HYDIN: variants seen among roughly 807,000 people sequenced by gnomAD.
HYDIN encodes the protein axonemal central pair apparatus protein HYDIN.
HYDIN carries 132 observed loss-of-function variants against 403.9 expected under a neutral mutation model. That is an observed-to-expected ratio of 0.33 (90% CI 0.28 to 0.38). The LOEUF is 0.38. Among genes scored for constraint, HYDIN ranks in the 10% least tolerant of loss-of-function variants. HYDIN has a pLI of 1.00. For synonymous variants in HYDIN, 1,202 were observed against 1,891.7 expected, an observed-to-expected ratio of 0.64 and a Z score of 9.46; for missense variants, 2,827 against 5,009.5, an observed-to-expected ratio of 0.56 and a Z score of 13.15.
chr16:71,225,315 G>T (rs149573320), intron 1 of HYDIN, among the ~76,000 whole-genome samples: 3 of 152,278 alleles, frequency 2.0e-5, no homozygotes, highest in African/African-American at 7.2e-5. Context: ...CTAGGTTGCT[G>T]CCCACAACAC....
At chr16:71,004,142 C>T (rs1482135616) in intron 23 of HYDIN, among the ~76,000 whole-genome samples, 1 of 151,648 alleles carries the variant, frequency 6.6e-6, no homozygotes, top group Non-Finnish European at 1.5e-5. Flanking sequence ...TGGAGAAATC[C>T]CATCTCTACT....
chr16:71,046,497 T>G (rs1317692838), intron 18 of HYDIN, among the ~76,000 whole-genome samples: 4 of 151,690 alleles, frequency 2.6e-5, no homozygotes, highest in Non-Finnish European at 5.9e-5. Context: ...AGAGGGAGAT[T>G]TTTTCCTTCC....
At chr16:71,175,903 T>C (rs1420151887) in intron 4 of HYDIN, 162 bp from the exon 5 acceptor site, 1 of 720,152 alleles carries the variant, frequency 1.4e-6, no homozygotes, top group Non-Finnish European at 2.5e-6. Flanking sequence ...CTTTATCCCA[T>C]ACAAAGTAAG....
intron 18 of HYDIN, among the ~76,000 whole-genome samples, chr16:71,053,822 G>C (rs2081755638): frequency 6.6e-6 from 1 of 152,086 alleles, no homozygotes; most frequent in South Asian, 2.1e-4. Flanking sequence ...ATAAATGTGG[G>C]GAAAGATTAA....
At position 70,886,192 on chromosome 16, in the gene HYDIN, C is replaced by G. The variant is rs2041122400; in HGVS notation, c.9775-2068G>C. 3.3e-5 allele frequency among the ~76,000 whole-genome samples: 5 copies of G among 152,058 alleles called. No individual in the cohort carries two copies. In the South Asian group the frequency reaches 1.0e-3, roughly 32 times the overall value. On this transcript the variant is annotated intron_variant, in intron 58 of 85. Coordinates refer to ENST00000393567, the MANE Select transcript of HYDIN (RefSeq NM_001270974.2). ...AATGACTCTTCACAGCTACCCGGAA[C>G]AGCAAGACTTCGTTCTTCAATTTTT...
At chr16:71,179,932 C>T (rs2086832563) in intron 3 of HYDIN, among the ~76,000 whole-genome samples, 2 of 152,122 alleles carry the variant, frequency 1.3e-5, no homozygotes, top group African/African-American at 4.8e-5. Context: ...GGCACCTTGG[C>T]ACACAGTTTG....
chr16:70,895,094 A>C (rs2076165211), intron 54 of HYDIN, among the ~76,000 whole-genome samples: 1 of 147,994 alleles, frequency 6.8e-6, no homozygotes, highest in South Asian at 2.2e-4. Flanking sequence ...TGTACATGAG[A>C]CTCATGACAT....
In HYDIN at chr16:71,085,582, T is replaced by A. The variant is rs187868065; in HGVS notation, c.1670+2719A>T. Among the ~76,000 whole-genome samples the A allele has an allele frequency of 2.5e-4, 38 of 152,314 alleles. 1 individual carries two copies. The highest frequency in any genetic ancestry group is 8.7e-4 in the African/African-American group (36 of 41,590). On this transcript the variant is annotated intron_variant, in intron 12 of 85. Coordinates refer to ENST00000393567, the MANE Select transcript of HYDIN (RefSeq NM_001270974.2). ...TGACATCCCCTACTATTTTGCTGAA[T>A]TGTGTATTTCTCCCTTCAATTCTAT... is the stretch of plus-strand genomic sequence containing the variant.
intron 71 of HYDIN, among the ~76,000 whole-genome samples, chr16:70,858,764 A>C (rs2027509): frequency 7.9e-6 from 1 of 126,804 alleles, no homozygotes; most frequent in Admixed American, 8.0e-5. Flanking sequence ...GCCTCTTGGA[A>C]CCGAGCTCAC....
At chr16:70,953,587 T>A (rs1240154531) in intron 40 of HYDIN, among the ~76,000 whole-genome samples, 1 of 152,068 alleles carries the variant, frequency 6.6e-6, no homozygotes, top group Non-Finnish European at 1.5e-5. Context: ...ATGTAGGTGT[T>A]CCCCATGGTC....
At chr16:71,227,223 A>C (rs2041074993) in intron 1 of HYDIN, among the ~76,000 whole-genome samples, 1 of 152,076 alleles carries the variant, frequency 6.6e-6, no homozygotes, top group Non-Finnish European at 1.5e-5. Context: ...CACCAAGTTC[A>C]CCAAACTTCT....
chr16:70,954,468 A>AAAACAAAG (rs2078167239), intron 40 of HYDIN, among the ~76,000 whole-genome samples: 1 of 149,636 alleles, frequency 6.7e-6, no homozygotes, highest in African/African-American at 2.5e-5. Flanking sequence ...AAAAAAAAAA[A>AAAACAAAG]AAAGAAAGAA....
Position 70,803,698 on chromosome 16 carries a change from T to C in HYDIN, c.*3882A>G, listed in dbSNP as rs182983892. On this transcript the variant is annotated 3_prime_UTR_variant, in exon 86 of 86. Coordinates refer to ENST00000393567, the MANE Select transcript of HYDIN (RefSeq NM_001270974.2). ...AGCAGTTTCTCCAACAGCAATGTAA[T>C]TGTAGCTGGAGTTTCAGGGCAACAG... Among the ~76,000 whole-genome samples, 13 of 152,354 alleles carry C rather than the reference T, an allele frequency of 8.5e-5. No individual in the cohort carries two copies. In the East Asian group the frequency reaches 2.5e-3, roughly 29 times the overall value.
chr16:70,815,956 A>G (rs2035809216), intron 84 of HYDIN, among the ~76,000 whole-genome samples: 1 of 146,850 alleles, frequency 6.8e-6, no homozygotes, highest in Non-Finnish European at 1.5e-5. Context: ...TAAAAATATA[A>G]AAATTAGCAG....
chr16:70,907,950 GAT>G (rs1567808909), intron 49 of HYDIN, among the ~76,000 whole-genome samples: 1 of 152,062 alleles, frequency 6.6e-6, no homozygotes, highest in Non-Finnish European at 1.5e-5. Flanking sequence ...TATACTACAG[GAT>G]AGAACTGCTT....
At chr16:71,079,974 G>C (rs1512613) in intron 12 of HYDIN, 22 bp from the exon 13 acceptor site, 6 of 789,290 alleles carry the variant, frequency 7.6e-6, no homozygotes, top group South Asian at 3.0e-5. Flanking sequence ...AATACAAGGT[G>C]GGGGAGAGGG....
At chr16:71,037,169 C>G (rs568308453) in intron 18 of HYDIN, among the ~76,000 whole-genome samples, 20 of 149,982 alleles carry the variant, frequency 1.3e-4, no homozygotes, top group Admixed American at 6.0e-4. Flanking sequence ...ACTGTACCTT[C>G]CATATAGAGC....
At chr16:70,814,916 T>TA (rs1482511801) in intron 84 of HYDIN, among the ~76,000 whole-genome samples, 4 of 149,258 alleles carry the variant, frequency 2.7e-5, no homozygotes, top group Non-Finnish European at 4.5e-5. Context: ...GTTATCATCT[T>TA]AAAAAAGTGA....
chr16:71,176,007 T>C (rs2086655073), intron 4 of HYDIN: 1 of 448,456 alleles, frequency 2.2e-6, no homozygotes, highest in Middle Eastern at 6.6e-4. Flanking sequence ...TAAAATTAAA[T>C]CATTTAAAAG....
Sources: gnomAD v4.1 joint callset for allele counts (sites outside exome capture counted in the v4.1 genomes callset) on GRCh38, gnomAD v4.1.1 for gene constraint, MANE v1.5 for transcripts, NCBI Gene and HGNC (gene_info 2026-07-23, HGNC 2026-07-21) for gene names.